The following KIRREL3 variants were observed in gnomAD, a reference collection of about 807,000 sequenced individuals.
The protein encoded by KIRREL3 is kin of IRRE-like protein 3.
Under a neutral mutation model 89.7 loss-of-function variants are expected in KIRREL3, and 36 were observed. The observed-to-expected ratio is 0.40, with a 90% CI of 0.31 to 0.53. KIRREL3 has a LOEUF of 0.53. Ranked by LOEUF, KIRREL3 falls within the 20% of genes least tolerant of loss-of-function variation. The pLI is 0.49. For missense variants in KIRREL3, 864 were observed against 1,056.6 expected, an observed-to-expected ratio of 0.82 and a Z score of 2.53; for synonymous variants, 445 against 441.4, an observed-to-expected ratio of 1.01 and a Z score of -0.10.
In KIRREL3 at chr11:126,897,129, A is replaced by G. The variant is rs1326146106; in HGVS notation, c.55+103326T>C. Among the ~76,000 whole-genome samples, 1 of 152,076 alleles carries G rather than the reference A, an allele frequency of 6.6e-6. No homozygotes were observed. Among genetic ancestry groups the G allele is most frequent in the Non-Finnish European group, 1.5e-5 (1 of 68,018 alleles). The stretch of plus-strand genomic sequence containing the variant: ...GAATACGGGCTACAAACAACTCCAC[A>G]ACTAAAGCAAACCCTTCTGGTCACC... On this transcript the variant is annotated intron_variant, in intron 1 of 16. Coordinates refer to ENST00000525144, the MANE Select transcript of KIRREL3 (RefSeq NM_032531.4). This position sits in a 1 kb window ranked among gnomAD's most constrained non-coding sequence, Gnocchi z 4.2.
chr11:126,712,881 G>C (rs1406263946), intron 1 of KIRREL3, among the ~76,000 whole-genome samples: 1 of 152,194 alleles, frequency 6.6e-6, no homozygotes, highest in Non-Finnish European at 1.5e-5. Flanking sequence ...GGTGTCCAAG[G>C]CTTTTTGGTC....
intron 1 of KIRREL3, among the ~76,000 whole-genome samples, chr11:126,835,131 A>C (rs111571721): frequency 0.013 from 2,052 of 152,324 alleles, 49 homozygotes; most frequent in African/African-American, 0.047. Flanking sequence ...GAAGACTTAT[A>C]TTTAATAATG....
rs1468151118 is a variant in KIRREL3, at chr11:126,550,515, G to T, written c.133+12320C>A. 1 of 152,250 alleles carries T rather than the reference G, an allele frequency of 6.6e-6. No individual in the cohort carries two copies. The allele number at this position is 152,250 out of a possible 1,614,324, so 9.4% of individuals were successfully genotyped here. On this transcript the variant is annotated intron_variant, in intron 2 of 16. Coordinates refer to ENST00000525144, the MANE Select transcript of KIRREL3 (RefSeq NM_032531.4). The surrounding 1 kb of genome is among the most constrained non-coding windows in gnomAD (Gnocchi z 4.9). ...TACAAAAAATCAGCCAAGTGAGGTG[G>T]TGGGTGCCTGTAATCCCAGCTACTC... is the stretch of plus-strand genomic sequence containing the variant.
At chr11:126,950,428 T>C (rs1011616305) in intron 1 of KIRREL3, among the ~76,000 whole-genome samples, 2 of 151,972 alleles carry the variant, frequency 1.3e-5, no homozygotes, top group African/African-American at 2.4e-5. Flanking sequence ...GGACACCCAA[T>C]GTCTACAATA....
intron 1 of KIRREL3, among the ~76,000 whole-genome samples, chr11:126,604,643 G>A (rs1283515374): frequency 1.3e-5 from 2 of 152,188 alleles, no homozygotes; most frequent in African/African-American, 2.4e-5. Flanking sequence ...GGCCACATGG[G>A]GGTGGGTGGG....
At chr11:126,577,765 TAAA>T (rs371522742) in intron 1 of KIRREL3, among the ~76,000 whole-genome samples, 4 of 142,500 alleles carry the variant, frequency 2.8e-5, no homozygotes, top group African/African-American at 7.7e-5. Flanking sequence ...CTGTCTCAAT[TAAA>T]AAAAAAAAAG....
chr11:126,607,367 A>G lies in KIRREL3; in HGVS notation c.56-44455T>C, dbSNP rs118074252. ...GGGGCTGCTTTCTAATGTGAATATG[A>G]GTACTCTTGGCTGGGAGAGGAAGGG... On this transcript the variant is annotated intron_variant, in intron 1 of 16. Transcript: ENST00000525144. This position sits in a 1 kb window ranked among gnomAD's most constrained non-coding sequence, Gnocchi z 6.6. Among the ~76,000 whole-genome samples the G allele has an allele frequency of 3.5e-3, 534 of 152,142 alleles. No individual in the cohort carries two copies. Among genetic ancestry groups the G allele is most frequent in the Non-Finnish European group, 6.3e-3 (431 of 68,014 alleles).
chr11:126,722,769 T>C (rs1428550727), intron 1 of KIRREL3, among the ~76,000 whole-genome samples: 1 of 152,260 alleles, frequency 6.6e-6, no homozygotes, highest in Admixed American at 6.5e-5. Flanking sequence ...GATTTTTGTC[T>C]GTCTTCTGAA....
At position 126,476,735 on chromosome 11, in the gene KIRREL3, G is replaced by A. The variant is rs534496640; in HGVS notation, c.434-3269C>T. On this transcript the variant is annotated intron_variant, in intron 4 of 16. Transcript: ENST00000525144. This position sits in a 1 kb window ranked among gnomAD's most constrained non-coding sequence, Gnocchi z 6.4. ...GCAGGCTGAAGAGAAATCAGCAGTC[G>A]CTCTTGGCAGCTGTGTCTGGCGTGG... 1.3e-5 allele frequency among the ~76,000 whole-genome samples: 2 copies of A among 152,072 alleles called. No homozygotes were observed. Among genetic ancestry groups the A allele is most frequent in the African/African-American group, 2.4e-5 (1 of 41,392 alleles).
upstream of KIRREL3, among the ~76,000 whole-genome samples, chr11:127,001,326 G>GT (rs1950311718): frequency 9.5e-6 from 1 of 105,146 alleles, no homozygotes; most frequent in Non-Finnish European, 1.9e-5. Flanking sequence ...GGGGGGGGGG[G>GT]TAGGTAATAA....
intron 3 of KIRREL3, among the ~76,000 whole-genome samples, chr11:126,524,587 G>A (rs1302964091): frequency 6.6e-6 from 1 of 152,222 alleles, no homozygotes; most frequent in African/African-American, 2.4e-5. Flanking sequence ...CTATCAATAT[G>A]AAGAAGTGCA....
At chr11:126,590,471 G>A (rs535170080) in intron 1 of KIRREL3, among the ~76,000 whole-genome samples, 4 of 152,330 alleles carry the variant, frequency 2.6e-5, no homozygotes, top group African/African-American at 9.6e-5. Context: ...GTGTGGCTGA[G>A]ATCTGCAACA....
intron 7 of KIRREL3, among the ~76,000 whole-genome samples, chr11:126,449,555 A>G (rs907376318): frequency 6.6e-6 from 1 of 152,212 alleles, no homozygotes; most frequent in Non-Finnish European, 1.5e-5. Context: ...TTGGAAAAGA[A>G]GGAGGCCAAG....
chr11:126,704,870 A>G lies in KIRREL3; in HGVS notation c.56-141958T>C, dbSNP rs1947463411. 6.6e-6 allele frequency among the ~76,000 whole-genome samples: 1 copy of G among 152,344 alleles called. No individual in the cohort carries two copies. The highest frequency in any genetic ancestry group is 6.5e-5 in the Admixed American group (1 of 15,298). On this transcript the variant is annotated intron_variant, in intron 1 of 16. Coordinates refer to ENST00000525144, the MANE Select transcript of KIRREL3 (RefSeq NM_032531.4). This position sits in a 1 kb window ranked among gnomAD's most constrained non-coding sequence, Gnocchi z 4.2. ...CAATAGGCCATCACCCAAGGGAAGCAGTATTCTCCTCCTGCGACCATGCCA... is the reference window on the plus strand; with the variant it reads ...CAATAGGCCATCACCCAAGGGAAGCGGTATTCTCCTCCTGCGACCATGCCA...
At chr11:126,950,496 C>T (rs1236914562) in intron 1 of KIRREL3, among the ~76,000 whole-genome samples, 2 of 152,196 alleles carry the variant, frequency 1.3e-5, no homozygotes, top group Non-Finnish European at 2.9e-5. Context: ...GCCCCATTTA[C>T]CTAACTCATT....
At chr11:126,464,383 T>A (rs1351305266) in intron 5 of KIRREL3, among the ~76,000 whole-genome samples, 1 of 148,606 alleles carries the variant, frequency 6.7e-6, no homozygotes, top group Non-Finnish European at 1.5e-5. Context: ...AAAAAAAAAT[T>A]AGCCAGGCAT....
intron 1 of KIRREL3, among the ~76,000 whole-genome samples, chr11:126,602,256 C>T (rs1271510922): frequency 1.3e-5 from 2 of 152,164 alleles, no homozygotes; most frequent in African/African-American, 4.8e-5. Context: ...AGGGAGGCCA[C>T]AGCCCTGGGG....
intron 1 of KIRREL3, among the ~76,000 whole-genome samples, chr11:126,895,627 G>A (rs1330817628): frequency 6.6e-6 from 1 of 152,110 alleles, no homozygotes; most frequent in Non-Finnish European, 1.5e-5. Context: ...CTGAGAGGGA[G>A]ACATTAGTTC....
In KIRREL3 at chr11:126,519,428, G is replaced by A. The variant is rs1958518789; in HGVS notation, c.433+1887C>T. On this transcript the variant is annotated intron_variant, in intron 4 of 16. Coordinates refer to ENST00000525144, the MANE Select transcript of KIRREL3 (RefSeq NM_032531.4). The surrounding 1 kb of genome is among the most constrained non-coding windows in gnomAD (Gnocchi z 4.3). ...TCTCTGAGTTTCCATTCTCTCATCT[G>A]TAAAACATTCGAAATAATCTGGACT... 6.6e-6 allele frequency among the ~76,000 whole-genome samples: 1 copy of A among 152,222 alleles called. No homozygotes were observed.
Sources: allele counts gnomAD v4.1 joint callset (sites outside exome capture counted in the v4.1 genomes callset), GRCh38; gene constraint gnomAD v4.1.1; non-coding constraint Gnocchi (gnomAD v3.1); transcripts MANE v1.5; gene names NCBI Gene and HGNC (gene_info 2026-07-23, HGNC 2026-07-21).